Variants in ADAMTSL1 observed in about 807,000 individuals in gnomAD.
The protein encoded by ADAMTSL1 is ADAMTS like 1, also known as ADAMTS-like protein 1.
In ADAMTSL1, 126 loss-of-function variants were observed where a neutral mutation model predicts 201.8. The ratio of observed to expected loss-of-function variants is 0.62; its 90% CI spans 0.54 to 0.72. ADAMTSL1 has a LOEUF of 0.72. Ranked by LOEUF, ADAMTSL1 falls within the 30% of genes least tolerant of loss-of-function variation. ADAMTSL1 has a pLI of 0.00. For synonymous variants in ADAMTSL1, 1,121 were observed against 903.4 expected (o/e 1.24, Z -4.32); for missense variants, 2,679 against 2,277.8 (o/e 1.18, Z -3.59).
At chr9:18,454,745 T>A (rs1820538775) in intron 2 of ADAMTSL1, among the ~76,000 whole-genome samples, 1 of 152,196 alleles carries the variant, frequency 6.6e-6, no homozygotes, top group Non-Finnish European at 1.5e-5. Context: ...CCGAGGCTAA[T>A]GTGAATTTAA....
At chr9:18,590,753 T>G (rs1398326083) in intron 4 of ADAMTSL1, among the ~76,000 whole-genome samples, 1 of 152,146 alleles carries the variant, frequency 6.6e-6, no homozygotes, top group Non-Finnish European at 1.5e-5. Flanking sequence ...TAAAAATTCC[T>G]TCTTTATGTA....
chr9:18,622,461 C>A (rs1051071071), intron 5 of ADAMTSL1, 92 bp downstream of exon 5: 1 of 1,558,676 alleles, frequency 6.4e-7, no homozygotes, highest in Non-Finnish European at 8.8e-7. Context: ...GGGAACAACA[C>A]CTCCACCAAA....
chr9:18,778,988 C>T (rs1821224768), intron 19 of ADAMTSL1, among the ~76,000 whole-genome samples: 2 of 152,178 alleles, frequency 1.3e-5, no homozygotes, highest in South Asian at 4.1e-4. Flanking sequence ...GACTAATAGT[C>T]TTCTCTGGCT....
Position 18,435,467 on chromosome 9 carries a change from T to A in ADAMTSL1, c.208-69362T>A, listed in dbSNP as rs556789334. ...CACAAATATGTAACTGCAACACTGA[T>A]CTGTGTTATGAAGGAACACACTACT... On this transcript the variant is annotated intron_variant, in intron 2 of 29. Coordinates refer to the ADAMTSL1 transcript ENST00000680146. Among the ~76,000 whole-genome samples, 106 of 152,304 alleles carry A rather than the reference T, an allele frequency of 7.0e-4. 1 individual carries two copies. Among genetic ancestry groups the A allele is most frequent in the African/African-American group, 2.3e-3 (97 of 41,556 alleles).
At chr9:18,131,202 A>C (rs1825936687) in intron 1 of ADAMTSL1, among the ~76,000 whole-genome samples, 1 of 152,178 alleles carries the variant, frequency 6.6e-6, no homozygotes, top group Non-Finnish European at 1.5e-5. Flanking sequence ...TATTTTGAGT[A>C]AGTTATTTAA....
chr9:18,085,506 G>GTGCATATATATATATACTGTGTC (rs1469342735), intron 1 of ADAMTSL1, among the ~76,000 whole-genome samples: 2 of 150,828 alleles, frequency 1.3e-5, no homozygotes, highest in Non-Finnish European at 3.0e-5. Flanking sequence ...TATACTGTGT[G>GTGCATATATATATATACTGTGTC]TGCATATATA....
intron 1 of ADAMTSL1, among the ~76,000 whole-genome samples, chr9:18,003,063 C>T (rs1415893364): frequency 1.8e-4 from 28 of 151,948 alleles, no homozygotes; most frequent in Admixed American, 1.8e-3. Flanking sequence ...AATTCTGGTT[C>T]TACAATTTAA....
intron 2 of ADAMTSL1, among the ~76,000 whole-genome samples, chr9:18,333,373 C>A (rs1219665873): frequency 6.6e-6 from 1 of 152,156 alleles, no homozygotes; most frequent in African/African-American, 2.4e-5. Flanking sequence ...CCCCTGCTGG[C>A]ACTCATTCTC....
intron 2 of ADAMTSL1, among the ~76,000 whole-genome samples, chr9:18,311,846 C>A (rs1223321671): frequency 1.3e-5 from 2 of 152,174 alleles, no homozygotes; most frequent in African/African-American, 4.8e-5. Flanking sequence ...AGATCTCCCT[C>A]CTTCTGCCCA....
intron 27 of ADAMTSL1, 104 bp downstream of exon 27, chr9:18,905,995 A>G (rs1830288785): frequency 7.8e-6 from 8 of 1,027,282 alleles, no homozygotes; most frequent in Admixed American, 2.1e-5. Context: ...CACAGTCCCA[A>G]GCCCTGCCTG....
chr9:18,731,191 T>G (rs1261946121), intron 15 of ADAMTSL1, among the ~76,000 whole-genome samples: 1 of 151,940 alleles, frequency 6.6e-6, no homozygotes, highest in East Asian at 1.9e-4. Flanking sequence ...CCACCAGGAG[T>G]AGAGATACTG....
intron 2 of ADAMTSL1, among the ~76,000 whole-genome samples, chr9:18,262,228 T>C (rs1445893039): frequency 6.6e-6 from 1 of 152,084 alleles, no homozygotes; most frequent in African/African-American, 2.4e-5. Context: ...TGGTGGAGTA[T>C]ACAGGAGCTA....
At chr9:18,568,709 T>C (rs545500285) in intron 3 of ADAMTSL1, among the ~76,000 whole-genome samples, 56 of 147,282 alleles carry the variant, frequency 3.8e-4, no homozygotes, top group African/African-American at 1.4e-3. Flanking sequence ...GAGAGGAAAA[T>C]TAAGTCAGAA....
intron 2 of ADAMTSL1, among the ~76,000 whole-genome samples, chr9:18,291,197 A>G (rs1490181650): frequency 2.0e-5 from 3 of 152,152 alleles, no homozygotes; most frequent in Non-Finnish European, 4.4e-5. Flanking sequence ...ATTAAATGAG[A>G]CTTAATTTCT....
At chr9:17,924,098 T>G (rs954751557) in intron 1 of ADAMTSL1, among the ~76,000 whole-genome samples, 1 of 146,072 alleles carries the variant, frequency 6.8e-6, no homozygotes, top group Non-Finnish European at 1.5e-5. Flanking sequence ...TTTTTGGTTG[T>G]GTCTCTGCCC....
At chr9:18,648,262 A>G (rs1363828209) in intron 7 of ADAMTSL1, among the ~76,000 whole-genome samples, 7 of 140,742 alleles carry the variant, frequency 5.0e-5, no homozygotes, top group Non-Finnish European at 1.1e-4. Context: ...CCATCCTTTT[A>G]TTTTGAGCCT....
chr9:18,432,011 A>G (rs1201065389), intron 2 of ADAMTSL1, among the ~76,000 whole-genome samples: 2 of 152,114 alleles, frequency 1.3e-5, no homozygotes, highest in African/African-American at 4.8e-5. Flanking sequence ...AAATGGTAAA[A>G]CTCTTTCTTA....
At chr9:18,826,977 G>A (rs997322300) in intron 22 of ADAMTSL1, among the ~76,000 whole-genome samples, 1 of 151,958 alleles carries the variant, frequency 6.6e-6, no homozygotes, top group Non-Finnish European at 1.5e-5. Flanking sequence ...CCTGATTAAA[G>A]ACTCTGGCAT....
chr9:18,540,389 G>A (rs548808231), intron 3 of ADAMTSL1, among the ~76,000 whole-genome samples: 1 of 152,204 alleles, frequency 6.6e-6, no homozygotes, highest in African/African-American at 2.4e-5. Context: ...GCAGAGTAAT[G>A]GGATGGAGAG....
Sources: allele counts gnomAD v4.1 joint callset (sites outside exome capture counted in the v4.1 genomes callset), GRCh38; gene constraint gnomAD v4.1.1; transcripts MANE v1.5; gene names NCBI Gene and HGNC (gene_info 2026-07-23, HGNC 2026-07-21).